Variants in HSD17B12 observed in about 807,000 individuals in gnomAD.
HSD17B12 encodes the protein very-long-chain 3-oxoacyl-CoA reductase.
A neutral mutation model predicts 39.3 loss-of-function variants in HSD17B12; 32 were observed. The observed-to-expected ratio is 0.81, with a 90% CI of 0.61 to 1.09. The LOEUF is 1.09. HSD17B12 is among the 50% of genes least tolerant of loss of function. The pLI is 0.00. For synonymous variants in HSD17B12, 150 were observed against 146.7 expected, an observed-to-expected ratio of 1.02 and a Z score of -0.16; for missense variants, 342 against 382.9, an observed-to-expected ratio of 0.89 and a Z score of 0.89.
chr11:43,823,785 G>A (rs992077301), intron 6 of HSD17B12, among the ~76,000 whole-genome samples: 1 of 152,060 alleles, frequency 6.6e-6, no homozygotes, highest in Admixed American at 6.5e-5. Flanking sequence ...TGAAAAAACT[G>A]AACTGAAATT....
chr11:43,648,826 G>A, the HSD17B12 span, among the ~76,000 whole-genome samples: 6 of 152,220 alleles, frequency 3.9e-5, no homozygotes, highest in African/African-American at 1.2e-4. Flanking sequence ...CCACCTCCTG[G>A]GTTCAAGTGA....
chr11:43,654,280 A>G, the HSD17B12 span, among the ~76,000 whole-genome samples: 1 of 152,080 alleles, frequency 6.6e-6, no homozygotes, highest in Admixed American at 6.5e-5. Flanking sequence ...AGTTCTTTGT[A>G]GGTTCTGGAT....
At chr11:43,813,650 GAACATAA>G (rs2070022492) in intron 4 of HSD17B12, among the ~76,000 whole-genome samples, 1 of 152,150 alleles carries the variant, frequency 6.6e-6, no homozygotes, top group Admixed American at 6.5e-5. Context: ...AAAGTCAAGT[GAACATAA>G]AGCCTTACCT....
the HSD17B12 span, among the ~76,000 whole-genome samples, chr11:43,635,303 G>A: frequency 2.0e-5 from 3 of 152,048 alleles, no homozygotes; most frequent in Admixed American, 6.6e-5. Flanking sequence ...TGCACAAGAG[G>A]GGAGCCTGGA....
At chr11:43,662,195 G>A in the HSD17B12 span, among the ~76,000 whole-genome samples, 5,802 of 107,150 alleles carry the variant, frequency 0.054, 181 homozygotes, top group South Asian at 0.18. Flanking sequence ...GTGAGCCCAC[G>A]TCTCTTTTTT....
the HSD17B12 span, chr11:43,644,183 T>A: frequency 6.6e-6 from 1 of 152,326 alleles, no homozygotes; most frequent in Non-Finnish European, 1.5e-5. Flanking sequence ...CGGCGCCCGG[T>A]GCACACTGGG....
chr11:43,826,906 C>A (rs1430911132), intron 6 of HSD17B12, among the ~76,000 whole-genome samples: 1 of 152,196 alleles, frequency 6.6e-6, no homozygotes, highest in Non-Finnish European at 1.5e-5. Flanking sequence ...ACTGTTGTCA[C>A]TTTCTGTAAT....
At chr11:43,670,445 G>T in the HSD17B12 span, 1 of 152,138 alleles carries the variant, frequency 6.6e-6, no homozygotes, top group Non-Finnish European at 1.5e-5. Context: ...AACATTTAGG[G>T]CTGTGCTTAC....
At chr11:43,793,394 AAC>A (rs1416336084) in intron 3 of HSD17B12, among the ~76,000 whole-genome samples, 19 of 152,294 alleles carry the variant, frequency 1.2e-4, no homozygotes, top group African/African-American at 4.6e-4. Context: ...TAATAGAAAA[AAC>A]ACAAATAACA....
At chr11:43,663,050 A>T in the HSD17B12 span, among the ~76,000 whole-genome samples, 5 of 29,788 alleles carry the variant, frequency 1.7e-4, no homozygotes, top group African/African-American at 2.2e-4. Flanking sequence ...TTTAAAAAAA[A>T]TTTTTTTGAG....
At chr11:43,627,290 T>G in the HSD17B12 span, among the ~76,000 whole-genome samples, 4 of 151,936 alleles carry the variant, frequency 2.6e-5, no homozygotes, top group Non-Finnish European at 5.9e-5. Flanking sequence ...AAAAAAATAC[T>G]TATGCTTCTG....
At chr11:43,606,550 C>T in the HSD17B12 span, among the ~76,000 whole-genome samples, 4 of 152,224 alleles carry the variant, frequency 2.6e-5, no homozygotes, top group African/African-American at 4.8e-5. Context: ...GCTCAACTGT[C>T]ATTGTCTTTA....
At chr11:43,574,274 C>T in the HSD17B12 span, among the ~76,000 whole-genome samples, 21 of 152,216 alleles carry the variant, frequency 1.4e-4, no homozygotes, top group Admixed American at 7.2e-4. Context: ...TCTCCCAGGC[C>T]TTGTGCCCCA....
the HSD17B12 span, among the ~76,000 whole-genome samples, chr11:43,560,965 C>A: frequency 1.4e-3 from 214 of 152,314 alleles, 2 homozygotes; most frequent in East Asian, 2.5e-3. Context: ...CCCATTGGGA[C>A]TTTCTTCTCC....
At chr11:43,782,498 T>C (rs903484142) in intron 3 of HSD17B12, among the ~76,000 whole-genome samples, 1 of 152,046 alleles carries the variant, frequency 6.6e-6, no homozygotes, top group African/African-American at 2.4e-5. Flanking sequence ...CTGGTCAACA[T>C]AGTGTAACCC....
At chr11:43,670,344 G>A in the HSD17B12 span, 16 of 152,148 alleles carry the variant, frequency 1.1e-4, no homozygotes, top group African/African-American at 3.9e-4. Flanking sequence ...TTTAAATAGA[G>A]CTCAAAAATA....
At chr11:43,619,394 CT>C in the HSD17B12 span, among the ~76,000 whole-genome samples, 75 of 134,166 alleles carry the variant, frequency 5.6e-4, no homozygotes, top group South Asian at 7.0e-4. Context: ...TTTTTCTTTT[CT>C]TTTTTTTTTT....
chr11:43,724,376 AAAAT>A (rs1220876253), intron 1 of HSD17B12, among the ~76,000 whole-genome samples: 4 of 152,130 alleles, frequency 2.6e-5, no homozygotes, highest in Non-Finnish European at 5.9e-5. Context: ...CCATGTATTG[AAAAT>A]AAATCCATCA....
At chr11:43,634,123 A>G in the HSD17B12 span, among the ~76,000 whole-genome samples, 2 of 146,064 alleles carry the variant, frequency 1.4e-5, no homozygotes, top group East Asian at 2.0e-4. Context: ...AGACACATGT[A>G]TAAGATACCT....
Sources: allele counts gnomAD v4.1 joint callset (sites outside exome capture counted in the v4.1 genomes callset), GRCh38; gene constraint gnomAD v4.1.1; transcripts MANE v1.5; gene names NCBI Gene and HGNC (gene_info 2026-07-23, HGNC 2026-07-21).